RALGAPA2: variants seen among roughly 807,000 people sequenced by gnomAD.
RALGAPA2 encodes the protein ral GTPase-activating protein subunit alpha-2.
Under a neutral mutation model 230.4 loss-of-function variants are expected in RALGAPA2, and 139 were observed. The ratio of observed to expected loss-of-function variants is 0.60; its 90% confidence interval spans 0.53 to 0.69. The LOEUF (loss-of-function observed/expected upper bound fraction) is 0.69, where lower values mean the gene tolerates loss of function less well. Ranked by LOEUF, RALGAPA2 falls within the 30% of genes least tolerant of loss-of-function variation. The pLI is 0.00. For missense variants in RALGAPA2, 2,163 were observed against 2,276.0 expected, an observed-to-expected ratio of 0.95 and a Z score of 1.01; for synonymous variants, 847 against 837.8, an observed-to-expected ratio of 1.01 and a Z score of -0.19.
At chr20:20,452,615 G>T (rs2061012714) in intron 37 of RALGAPA2, among the ~76,000 whole-genome samples, 1 of 152,240 alleles carries the variant, frequency 6.6e-6, no homozygotes, top group Non-Finnish European at 1.5e-5. Flanking sequence ...CAACGGCCCA[G>T]CGAGGAGCGT....
chr20:20,667,971 T>G, intron 3 of RALGAPA2, among the ~76,000 whole-genome samples: 1 of 152,168 alleles, frequency 6.6e-6, no homozygotes, highest in Non-Finnish European at 1.5e-5. Flanking sequence ...AAGGGCACTC[T>G]GGTAATAAGA....
chr20:20,394,889 CAAAAAAAA>C (rs10673778), intron 39 of RALGAPA2, among the ~76,000 whole-genome samples: 1 of 44,648 alleles, frequency 2.2e-5, no homozygotes, highest in African/African-American at 9.2e-5. Context: ...AATAAATAAG[CAAAAAAAA>C]AAAAAAAAAA....
intron 2 of RALGAPA2, among the ~76,000 whole-genome samples, chr20:20,680,031 T>C (rs754806343): frequency 2.6e-5 from 4 of 152,148 alleles, no homozygotes; most frequent in Non-Finnish European, 5.9e-5. Context: ...TGTCCTAAAA[T>C]GCTAGGATAC....
intron 37 of RALGAPA2, among the ~76,000 whole-genome samples, chr20:20,455,976 A>G (rs1480835943): frequency 3.9e-5 from 6 of 152,248 alleles, no homozygotes; most frequent in Non-Finnish European, 7.3e-5. Flanking sequence ...TAAGGAGCTC[A>G]AGGAAATCAA....
intron 3 of RALGAPA2, among the ~76,000 whole-genome samples, chr20:20,670,263 T>C (rs766175163): frequency 2.6e-5 from 4 of 152,252 alleles, no homozygotes; most frequent in Non-Finnish European, 5.9e-5. Flanking sequence ...AGACAGCCTA[T>C]GGAATACAGC....
At chr20:20,521,954 G>T (rs1270567564) in intron 30 of RALGAPA2, among the ~76,000 whole-genome samples, 2 of 152,216 alleles carry the variant, frequency 1.3e-5, no homozygotes, top group Non-Finnish European at 2.9e-5. Flanking sequence ...AAGAATTACA[G>T]TTGTCAGGGC....
At position 20,526,257 on chromosome 20, in the gene RALGAPA2, C is replaced by T. The variant is rs761666923; in HGVS notation, c.3688G>A (p.Ala1230Thr). 8.2e-6 allele frequency: 13 copies of T among 1,584,644 alleles called. No individual in the cohort carries two copies. In the Admixed American group the frequency reaches 2.2e-4, roughly 27 times the overall value. ...MFETSLPRKMAEILVATVAFL... is the reference protein window; with the variant it reads ...MFETSLPRKMTEILVATVAFL... ...TTACAGAAAAAAAGACTTACTTCTG[C>T]CATTTTCCGAGGCAGAGAGGTTTCA... The change falls in exon 28 of 40, where the codon GCA becomes ACA. Residue 1230 changes from alanine (A) to threonine (T), a missense_variant. Coordinates refer to ENST00000202677, the MANE Select transcript of RALGAPA2 (RefSeq NM_020343.4).
At chr20:20,622,576 C>A (rs1456024945) in intron 10 of RALGAPA2, among the ~76,000 whole-genome samples, 1 of 152,070 alleles carries the variant, frequency 6.6e-6, no homozygotes, top group East Asian at 1.9e-4. Context: ...CAGAGGGCTG[C>A]CAATTTAGAA....
intron 30 of RALGAPA2, among the ~76,000 whole-genome samples, chr20:20,521,485 T>C (rs912177771): frequency 1.3e-5 from 2 of 152,022 alleles, no homozygotes; most frequent in Non-Finnish European, 2.9e-5. Context: ...CAGAGACCAT[T>C]AGTGCACGTC....
At chr20:20,417,742 C>T (rs1395266238) in intron 37 of RALGAPA2, among the ~76,000 whole-genome samples, 4 of 152,168 alleles carry the variant, frequency 2.6e-5, no homozygotes, top group South Asian at 4.1e-4. Flanking sequence ...GTCACTCATA[C>T]AATCTAGCTT....
intron 3 of RALGAPA2, among the ~76,000 whole-genome samples, chr20:20,668,490 C>T (rs931272050): frequency 6.6e-6 from 1 of 152,304 alleles, no homozygotes. Flanking sequence ...TTTTCTTGTT[C>T]ATTTTATATG....
intron 37 of RALGAPA2, among the ~76,000 whole-genome samples, chr20:20,425,835 C>T (rs1380265426): frequency 6.6e-6 from 1 of 152,172 alleles, no homozygotes; most frequent in Non-Finnish European, 1.5e-5. Context: ...ACACAAAGCT[C>T]CCTCATGATC....
intron 1 of RALGAPA2, among the ~76,000 whole-genome samples, chr20:20,681,321 C>T (rs2068514020): frequency 6.6e-6 from 1 of 152,216 alleles, no homozygotes; most frequent in African/African-American, 2.4e-5. Flanking sequence ...ACATGCTCCC[C>T]AACCACAAGC....
intron 31 of RALGAPA2, among the ~76,000 whole-genome samples, chr20:20,514,079 T>G (rs1435042961): frequency 6.6e-6 from 1 of 152,168 alleles, no homozygotes; most frequent in Non-Finnish European, 1.5e-5. Context: ...AATCCTTTCC[T>G]AGACTGGCAG....
Position 20,503,441 on chromosome 20 carries a change from C to T in RALGAPA2, c.5118G>A (p.Thr1706=), listed in dbSNP as rs368517376. The change falls in exon 35 of 40, where the codon ACG becomes ACA. Residue 1706 remains threonine (T), a synonymous_variant. Transcript: ENST00000202677. ...GLQRNGSTGQ[T]APYYATSTVE... ...CAGTTGAGGTAGCATAGTAAGGGGC[C>T]GTCTGCCCGGTGCTGCCATTGCGCT... 8.7e-6 allele frequency: 14 copies of T among 1,608,236 alleles called. No individual in the cohort carries two copies. Among genetic ancestry groups the T allele is most frequent in the South Asian group, 6.6e-5 (6 of 90,348 alleles).
chr20:20,410,639 A>G (rs1447973659), intron 38 of RALGAPA2, among the ~76,000 whole-genome samples: 1 of 152,194 alleles, frequency 6.6e-6, no homozygotes, highest in Non-Finnish European at 1.5e-5. Context: ...CCTTGAAACG[A>G]ATTTGTTTTT....
intron 38 of RALGAPA2, among the ~76,000 whole-genome samples, chr20:20,400,501 C>T (rs913808433): frequency 4.6e-5 from 7 of 152,116 alleles, no homozygotes; most frequent in Admixed American, 2.0e-4. Context: ...TCTTTCTCTC[C>T]CATGACTATA....
intron 36 of RALGAPA2, among the ~76,000 whole-genome samples, chr20:20,480,656 G>A (rs1395817481): frequency 6.6e-6 from 1 of 152,204 alleles, no homozygotes; most frequent in Non-Finnish European, 1.5e-5. Flanking sequence ...GACAGGGTGA[G>A]TGGTCCTGCC....
At chr20:20,586,505 G>A (rs1348376867) in intron 18 of RALGAPA2, among the ~76,000 whole-genome samples, 1 of 152,084 alleles carries the variant, frequency 6.6e-6, no homozygotes, top group African/African-American at 2.4e-5. Flanking sequence ...AAGAATCTCA[G>A]AAACAACAAA....
Sources: allele counts gnomAD v4.1 joint callset (sites outside exome capture counted in the v4.1 genomes callset), GRCh38; gene constraint gnomAD v4.1.1; transcripts MANE v1.5; gene names NCBI Gene and HGNC (gene_info 2026-07-23, HGNC 2026-07-21).